Variants in HECW1 observed in about 807,000 individuals in gnomAD.
The protein encoded by HECW1 is HECT, C2 and WW domain containing E3 ubiquitin protein ligase 1.
Under a neutral mutation model 182.3 loss-of-function variants are expected in HECW1, and 61 were observed. That is an observed-to-expected ratio of 0.33 (90% CI 0.27 to 0.41). The LOEUF (loss-of-function observed/expected upper bound fraction) is 0.41. HECW1 is among the 10% of genes least tolerant of loss of function. HECW1 has a pLI of 1.00. For synonymous variants in HECW1, 859 were observed against 832.6 expected, an observed-to-expected ratio of 1.03 and a Z score of -0.55; for missense variants, 1,739 against 2,108.9, an observed-to-expected ratio of 0.82 and a Z score of 3.44.
intron 24 of HECW1, among the ~76,000 whole-genome samples, chr7:43,524,543 A>G (rs17209297): frequency 0.23 from 35,358 of 152,214 alleles, 5,184 homozygotes; most frequent in Non-Finnish European, 0.33. Context: ...GAACTTAGCA[A>G]TTATGAAGTA....
intron 19 of HECW1, among the ~76,000 whole-genome samples, chr7:43,494,506 A>ATTTTT (rs5883869): frequency 1.4e-4 from 20 of 145,350 alleles, no homozygotes; most frequent in African/African-American, 4.8e-4. Flanking sequence ...TAAAGTCAAG[A>ATTTTT]TTTTTTTTTT....
intron 3 of HECW1, among the ~76,000 whole-genome samples, chr7:43,294,209 A>G (rs1436467428): frequency 1.3e-5 from 2 of 152,176 alleles, no homozygotes; most frequent in African/African-American, 4.8e-5. Context: ...CAAAAGGAAA[A>G]AGGGTGCTGC....
intron 6 of HECW1, among the ~76,000 whole-genome samples, chr7:43,386,189 A>T (rs1430229256): frequency 6.6e-6 from 1 of 152,170 alleles, no homozygotes; most frequent in East Asian, 1.9e-4. Context: ...TTTGACCTCT[A>T]GGCCCAGATT....
At chr7:43,407,820 G>A in intron 8 of HECW1, 89 bp downstream of exon 8, 1 of 1,177,538 alleles carries the variant, frequency 8.5e-7, no homozygotes, top group South Asian at 1.5e-5. Flanking sequence ...CATTCATGGA[G>A]CCCTGGACTC....
At chr7:43,541,736 A>C (rs990362473) in intron 25 of HECW1, 133 bp from the exon 26 acceptor site, 8 of 724,348 alleles carry the variant, frequency 1.1e-5, no homozygotes, top group African/African-American at 1.8e-5. Flanking sequence ...CTGATTCATC[A>C]GTGGATTCAA....
chr7:43,394,135 A>G (rs6976453), intron 6 of HECW1, among the ~76,000 whole-genome samples: 97,708 of 151,930 alleles, frequency 0.64, 31,893 homozygotes, highest in African/African-American at 0.75. Flanking sequence ...GGTCTCCCAC[A>G]GCCATGTCCA....
At chr7:43,216,156 GT>G (rs1204548417) in intron 2 of HECW1, among the ~76,000 whole-genome samples, 1 of 151,842 alleles carries the variant, frequency 6.6e-6, no homozygotes, top group Non-Finnish European at 1.5e-5. Flanking sequence ...TTTTGTTTTT[GT>G]TTTTTTGAGA....
intron 19 of HECW1, among the ~76,000 whole-genome samples, chr7:43,497,313 G>A (rs1234032687): frequency 2.6e-5 from 4 of 152,166 alleles, no homozygotes; most frequent in African/African-American, 9.7e-5. Flanking sequence ...GGAGTAGATT[G>A]GGAGGGTAGG....
rs985918615 is a variant in HECW1, at chr7:43,554,761, G to T, written c.4680G>T (p.Glu1560Asp). The T allele has an allele frequency of 3.1e-6, 5 of 1,613,912 alleles. No individual in the cohort carries two copies. The highest frequency in any genetic ancestry group is 4.2e-6 in the Non-Finnish European group (5 of 1,179,910). ...GSNGLRRFCI[E>D]KWGKITSLPR... ...ATGGGCTTCGGCGCTTCTGCATAGA[G>T]AAATGGGGGAAAATTACTTCTCTCC... The change falls in exon 29 of 30, where the codon GAG becomes GAT. Residue 1560 changes from glutamate (E) to aspartate (D), a missense_variant. By Grantham distance (45) the Glu-to-Asp change is conservative. Coordinates refer to ENST00000395891, the MANE Select transcript of HECW1 (RefSeq NM_015052.5).
intron 17 of HECW1, among the ~76,000 whole-genome samples, chr7:43,488,659 C>T (rs1382986901): frequency 6.6e-6 from 1 of 152,174 alleles, no homozygotes; most frequent in East Asian, 1.9e-4. Flanking sequence ...AATCCTAGTT[C>T]AAACAGACCC....
In HECW1 at chr7:43,500,711, T is replaced by C. The variant is rs750414656; in HGVS notation, c.3450T>C (p.His1150=). The C allele has an allele frequency of 7.9e-5, 127 of 1,613,590 alleles. No homozygotes were observed. The South Asian group carries it at 1.3e-3, about 17-fold the overall frequency. Residue 1150 remains histidine, a synonymous_variant, in exon 20 of 30, where the codon CAT becomes CAC. Coordinates refer to ENST00000395891, the MANE Select transcript of HECW1 (RefSeq NM_015052.5). ...TCACATGATTCAGGGAGAAAATCCA[T>C]TACATTCGGACTGAGGGTAATCACG... is the stretch of plus-strand genomic sequence containing the variant. ...ARNHTLREKI[H]YIRTEGNHGL...
rs117156413 is a variant in HECW1 at position 43,389,833 on chromosome 7, A to G, written c.556-6981A>G. Among the ~76,000 whole-genome samples, 719 of 152,042 alleles carry G rather than the reference A, an allele frequency of 4.7e-3. 5 individuals carry two copies. The highest frequency in any genetic ancestry group is 0.02 in the East Asian group (102 of 5,154). ...ATTTTTGTAGAGAAAGAGTCTCACA[A>G]TGTTGCTCAGGCTGATTTTGAACTC... On this transcript the variant is annotated intron_variant, in intron 6 of 29. Coordinates refer to ENST00000395891, the MANE Select transcript of HECW1 (RefSeq NM_015052.5).
intron 6 of HECW1, among the ~76,000 whole-genome samples, chr7:43,372,251 TGACTACCTTTGAG>T (rs1218448544): frequency 6.6e-6 from 1 of 152,204 alleles, no homozygotes; most frequent in African/African-American, 2.4e-5. Context: ...TGAGTAACAG[TGACTACCTTTGAG>T]GATTATGTGG....
At chr7:43,170,221 C>A (rs1791544410) in intron 2 of HECW1, among the ~76,000 whole-genome samples, 2 of 152,152 alleles carry the variant, frequency 1.3e-5, no homozygotes, top group South Asian at 4.2e-4. Flanking sequence ...GGATCTAATG[C>A]CTGATGATCT....
At chr7:43,362,765 G>C (rs1372257821) in intron 6 of HECW1, among the ~76,000 whole-genome samples, 3 of 152,248 alleles carry the variant, frequency 2.0e-5, no homozygotes, top group African/African-American at 7.2e-5. Context: ...GAAGGAAGGA[G>C]GCAGGAAGTG....
intron 4 of HECW1, among the ~76,000 whole-genome samples, chr7:43,315,955 C>T (rs907636867): frequency 6.6e-6 from 1 of 152,104 alleles, no homozygotes; most frequent in African/African-American, 2.4e-5. Context: ...TATTGATTCT[C>T]TCTTTTAATC....
At chr7:43,340,517 G>A (rs761852423) in intron 5 of HECW1, among the ~76,000 whole-genome samples, 11 of 151,462 alleles carry the variant, frequency 7.3e-5, no homozygotes, top group South Asian at 4.2e-4. Context: ...CACTGCGCCC[G>A]GCCTCTAATT....
intron 2 of HECW1, among the ~76,000 whole-genome samples, chr7:43,138,867 C>A (rs1787856408): frequency 6.6e-6 from 1 of 152,142 alleles, no homozygotes. Context: ...CAAAGAGAAA[C>A]AGATTTCTTT....
chr7:43,390,821 A>T (rs2074999200), intron 6 of HECW1, among the ~76,000 whole-genome samples: 1 of 152,182 alleles, frequency 6.6e-6, no homozygotes, highest in African/African-American at 2.4e-5. Context: ...GCTAGGTTAA[A>T]CATTAAAAGC....
Sources: gnomAD v4.1 joint callset for allele counts (sites outside exome capture counted in the v4.1 genomes callset) on GRCh38, gnomAD v4.1.1 for gene constraint, MANE v1.5 for transcripts, NCBI Gene and HGNC (gene_info 2026-07-23, HGNC 2026-07-21) for gene names.